Variants in DYNC2H1 observed in about 807,000 individuals in gnomAD.
The protein encoded by DYNC2H1 is dynein cytoplasmic 2 heavy chain 1.
Under a neutral mutation model 570.0 loss-of-function variants are expected in DYNC2H1, and 410 were observed. That is an observed-to-expected ratio of 0.72 (90% CI 0.66 to 0.78). DYNC2H1 has a LOEUF of 0.78. DYNC2H1 is among the 30% of genes least tolerant of loss of function. DYNC2H1 has a pLI of 0.00. For synonymous variants in DYNC2H1, 1,688 were observed against 1,677.6 expected (o/e 1.01, Z -0.15); for missense variants, 4,865 against 5,046.4 (o/e 0.96, Z 1.09).
chr11:103,126,165 G>A (rs1401529509), intron 12 of DYNC2H1, among the ~76,000 whole-genome samples: 1 of 152,084 alleles, frequency 6.6e-6, no homozygotes, highest in Non-Finnish European at 1.5e-5. Flanking sequence ...TATCTACCCT[G>A]TCAGGCATAG....
At chr11:103,143,465 A>C in intron 18 of DYNC2H1, 70 bp downstream of exon 18, 3 of 1,427,064 alleles carry the variant, frequency 2.1e-6, no homozygotes, top group Non-Finnish European at 2.8e-6. Flanking sequence ...GGAGCTCTCT[A>C]CTTAGTGGCA....
chr11:103,412,378 AAAC>A (rs148136173), intron 84 of DYNC2H1, among the ~76,000 whole-genome samples: 2,069 of 152,284 alleles, frequency 0.014, 45 homozygotes, highest in African/African-American at 0.046. Context: ...TTTTTAAAGA[AAAC>A]AATATTGTAA....
intron 17 of DYNC2H1, among the ~76,000 whole-genome samples, chr11:103,138,514 T>C (rs571379577): frequency 1.3e-5 from 2 of 152,332 alleles, no homozygotes; most frequent in African/African-American, 4.8e-5. Context: ...CTGGATTACA[T>C]TTATTGATTT....
chr11:103,380,958 CTAGG>C (rs1315377929), intron 83 of DYNC2H1, among the ~76,000 whole-genome samples: 1 of 152,136 alleles, frequency 6.6e-6, no homozygotes, highest in African/African-American at 2.4e-5. Context: ...GCCGATAGAA[CTAGG>C]TTGGAAAGGG....
chr11:103,121,890 G>A (rs1035414268), intron 10 of DYNC2H1, among the ~76,000 whole-genome samples: 10 of 152,154 alleles, frequency 6.6e-5, no homozygotes, highest in Admixed American at 2.6e-4. Flanking sequence ...TATTGAGGCT[G>A]CAGTGAGCCA....
At chr11:103,276,403 G>A (rs911068347) in intron 70 of DYNC2H1, among the ~76,000 whole-genome samples, 1 of 151,934 alleles carries the variant, frequency 6.6e-6, no homozygotes, top group South Asian at 2.1e-4. Flanking sequence ...AATACTAGAT[G>A]TAAAGTATTA....
At chr11:103,308,821 A>G (rs1867426140) in intron 78 of DYNC2H1, among the ~76,000 whole-genome samples, 1 of 152,088 alleles carries the variant, frequency 6.6e-6, no homozygotes, top group Non-Finnish European at 1.5e-5. Context: ...TTCTTTGCCT[A>G]CTTTTAAAAT....
rs1865575184 is a variant in DYNC2H1 at position 103,268,024 on chromosome 11, T to C, written c.10695+8047T>C. The stretch of plus-strand genomic sequence containing the variant: ...TAGATTATTTATACATTTTTTGTTC[T>C]TATACATGACTATAGTGAATATCCT... On this transcript the variant is annotated intron_variant, in intron 70 of 88. Coordinates refer to ENST00000375735, the MANE Select transcript of DYNC2H1 (RefSeq NM_001377.3). This position sits in a 1 kb window ranked among gnomAD's most constrained non-coding sequence, Gnocchi z 4.6. Among the ~76,000 whole-genome samples the C allele has an allele frequency of 6.6e-6, 1 of 152,036 alleles. No homozygotes were observed. The highest frequency in any genetic ancestry group is 1.9e-4 in the East Asian group (1 of 5,194).
chr11:103,381,853 C>G (rs1208169220), intron 83 of DYNC2H1, among the ~76,000 whole-genome samples: 3 of 152,164 alleles, frequency 2.0e-5, no homozygotes, highest in Non-Finnish European at 4.4e-5. Flanking sequence ...AAGTATATAA[C>G]TTTTAACATT....
intron 78 of DYNC2H1, among the ~76,000 whole-genome samples, chr11:103,308,693 G>C (rs313368): frequency 0.11 from 16,824 of 152,180 alleles, 1,630 homozygotes; most frequent in African/African-American, 0.25. Flanking sequence ...GTCTGAGTGG[G>C]TGTGAGGTGA....
chr11:103,258,385 G>A (rs561862236), intron 69 of DYNC2H1, among the ~76,000 whole-genome samples: 2 of 152,256 alleles, frequency 1.3e-5, no homozygotes, highest in Admixed American at 6.5e-5. Flanking sequence ...TTTCTGTTGA[G>A]TATCGTATTA....
chr11:103,122,521 T>G (rs1858772677), intron 10 of DYNC2H1, among the ~76,000 whole-genome samples: 1 of 152,214 alleles, frequency 6.6e-6, no homozygotes, highest in Non-Finnish European at 1.5e-5. Context: ...TTCTCAGAGT[T>G]TCCTCTGAAA....
At chr11:103,447,786 TA>T (rs1277251767) in intron 85 of DYNC2H1, among the ~76,000 whole-genome samples, 21 of 152,180 alleles carry the variant, frequency 1.4e-4, no homozygotes, top group Non-Finnish European at 2.6e-4. Flanking sequence ...GGTATCTCAT[TA>T]ATTCGGGTAA....
chr11:103,309,371 T>G (rs1867465593), intron 78 of DYNC2H1, among the ~76,000 whole-genome samples: 1 of 150,434 alleles, frequency 6.6e-6, no homozygotes, highest in Admixed American at 6.7e-5. Context: ...TTTTTTTCTT[T>G]TTTTTGAGAG....
At chr11:103,294,010 C>T (rs1337591176) in intron 75 of DYNC2H1, among the ~76,000 whole-genome samples, 2 of 151,954 alleles carry the variant, frequency 1.3e-5, no homozygotes, top group African/African-American at 4.8e-5. Context: ...CTGGGAGAGG[C>T]AGAGGTTGCA....
intron 40 of DYNC2H1, among the ~76,000 whole-genome samples, chr11:103,184,274 A>G (rs1861975893): frequency 6.6e-6 from 1 of 151,980 alleles, no homozygotes; most frequent in East Asian, 1.9e-4. Flanking sequence ...TTAACAAAAC[A>G]AAGCAAAAAC....
chr11:103,437,620 G>C (rs1355746445), intron 85 of DYNC2H1, among the ~76,000 whole-genome samples: 1 of 152,110 alleles, frequency 6.6e-6, no homozygotes, highest in Non-Finnish European at 1.5e-5. Context: ...TATATACCTG[G>C]ACATAATTTA....
intron 83 of DYNC2H1, among the ~76,000 whole-genome samples, chr11:103,392,741 A>G (rs1484357654): frequency 6.6e-6 from 1 of 152,144 alleles, no homozygotes; most frequent in East Asian, 1.9e-4. Context: ...GGCAAAGATA[A>G]ACTTTTCAGT....
At chr11:103,351,770 C>G (rs753385700) in intron 82 of DYNC2H1, among the ~76,000 whole-genome samples, 2 of 151,920 alleles carry the variant, frequency 1.3e-5, no homozygotes, top group Non-Finnish European at 2.9e-5. Flanking sequence ...TTTTTACTAG[C>G]CTTTGTAACA....
Sources: gnomAD v4.1 joint callset for allele counts (sites outside exome capture counted in the v4.1 genomes callset) on GRCh38, gnomAD v4.1.1 for gene constraint, Gnocchi (gnomAD v3.1) non-coding constraint, MANE v1.5 for transcripts, NCBI Gene and HGNC (gene_info 2026-07-23, HGNC 2026-07-21) for gene names.